The following EPHA3 variants were observed in gnomAD, a reference collection of about 807,000 sequenced individuals.
EPHA3 encodes ephrin type-A receptor 3.
A neutral mutation model predicts 107.1 loss-of-function variants in EPHA3; 42 were observed. The observed-to-expected ratio is 0.39, with a 90% CI of 0.31 to 0.51. The LOEUF (loss-of-function observed/expected upper bound fraction) is 0.51, where lower values mean the gene tolerates loss of function less well. Among genes scored for constraint, EPHA3 ranks in the 20% least tolerant of loss-of-function variants. The pLI is 0.78. For synonymous variants in EPHA3, 461 were observed against 424.8 expected, an observed-to-expected ratio of 1.09 and a Z score of -1.05; for missense variants, 1,183 against 1,211.2, an observed-to-expected ratio of 0.98 and a Z score of 0.35.
intron 2 of EPHA3, among the ~76,000 whole-genome samples, chr3:89,183,550 AATT>A (rs1705492046): frequency 6.6e-6 from 1 of 151,884 alleles, no homozygotes; most frequent in Non-Finnish European, 1.5e-5. Flanking sequence ...GGGTCTTAAT[AATT>A]ATTGCCTAAA....
At chr3:89,387,838 G>T (rs373083544) in intron 5 of EPHA3, among the ~76,000 whole-genome samples, 3 of 151,876 alleles carry the variant, frequency 2.0e-5, no homozygotes, top group African/African-American at 7.2e-5. Context: ...ATTTCTCCAC[G>T]CTGAGAAAAG....
intron 13 of EPHA3, among the ~76,000 whole-genome samples, chr3:89,434,378 T>G (rs2107540172): frequency 6.6e-6 from 1 of 152,150 alleles, no homozygotes; most frequent in East Asian, 1.9e-4. Flanking sequence ...CCACCACGCC[T>G]GGCTAATTTT....
chr3:89,383,518 C>T (rs746124790), intron 5 of EPHA3, among the ~76,000 whole-genome samples: 1 of 151,972 alleles, frequency 6.6e-6, no homozygotes, highest in Non-Finnish European at 1.5e-5. Context: ...CTGGAACTGC[C>T]CTGGCTGTTC....
intron 3 of EPHA3, among the ~76,000 whole-genome samples, chr3:89,306,182 G>A (rs886445154): frequency 2.0e-5 from 3 of 152,046 alleles, no homozygotes; most frequent in African/African-American, 7.2e-5. Context: ...TAATATTTCA[G>A]TCCATTACAC....
At chr3:89,395,687 T>G in intron 5 of EPHA3, 150 bp from the exon 6 acceptor site, 1 of 914,112 alleles carries the variant, frequency 1.1e-6, no homozygotes, top group South Asian at 1.7e-5. Context: ...TCAAGAGCCT[T>G]GGAAATGGAA....
intron 10 of EPHA3, among the ~76,000 whole-genome samples, chr3:89,414,795 A>T (rs967387060): frequency 2.6e-5 from 4 of 151,626 alleles, no homozygotes; most frequent in African/African-American, 9.7e-5. Context: ...ATTTGGGAAA[A>T]AGCACACCAC....
chr3:89,327,455 A>T (rs990687797), intron 3 of EPHA3, among the ~76,000 whole-genome samples: 1 of 152,168 alleles, frequency 6.6e-6, no homozygotes. Context: ...ACTATGTATC[A>T]TCAAATAAAC....
chr3:89,271,345 C>T (rs920664284), intron 3 of EPHA3, among the ~76,000 whole-genome samples: 2 of 151,892 alleles, frequency 1.3e-5, no homozygotes, highest in African/African-American at 2.4e-5. Flanking sequence ...TTATAATTCC[C>T]TTGCAGAGTA....
At chr3:89,401,106 G>A (rs1338343509) in intron 7 of EPHA3, among the ~76,000 whole-genome samples, 1 of 152,018 alleles carries the variant, frequency 6.6e-6, no homozygotes, top group Non-Finnish European at 1.5e-5. Context: ...AAACTTTCAG[G>A]ATTGACCTAA....
chr3:89,177,919 C>G (rs775411928), intron 2 of EPHA3, among the ~76,000 whole-genome samples: 1 of 152,102 alleles, frequency 6.6e-6, no homozygotes, highest in Non-Finnish European at 1.5e-5. Context: ...ATTTACTACA[C>G]TCAGAATTTT....
In EPHA3 at chr3:89,365,699, C is replaced by T. The variant is rs533672971; in HGVS notation, c.1306+23609C>T. 4.6e-5 allele frequency among the ~76,000 whole-genome samples: 7 copies of T among 150,692 alleles called. No homozygotes were observed. The East Asian group carries it at 1.4e-3, about 30-fold the overall frequency. On this transcript the variant is annotated intron_variant, in intron 5 of 16. Coordinates refer to ENST00000336596, the MANE Select transcript of EPHA3 (RefSeq NM_005233.6). The stretch of plus-strand genomic sequence containing the variant: ...CATTGACTTCCTTTTGGTTCCTGAA[C>T]CTACTTAGCATCAACAATACCAACA...
intron 3 of EPHA3, among the ~76,000 whole-genome samples, chr3:89,243,505 G>A (rs1323093031): frequency 2.0e-5 from 3 of 152,288 alleles, no homozygotes; most frequent in African/African-American, 7.2e-5. Context: ...CTGATGGCCA[G>A]TGATGATGAG....
At chr3:89,237,805 A>G (rs1340832849) in intron 3 of EPHA3, among the ~76,000 whole-genome samples, 3 of 152,036 alleles carry the variant, frequency 2.0e-5, no homozygotes, top group African/African-American at 7.2e-5. Flanking sequence ...TTCTCTACAA[A>G]AAATAAAACA....
At chr3:89,238,874 G>A (rs774129818) in intron 3 of EPHA3, among the ~76,000 whole-genome samples, 8 of 152,004 alleles carry the variant, frequency 5.3e-5, no homozygotes, top group Non-Finnish European at 1.2e-4. Context: ...TATTTTAGGG[G>A]GAAAGAAAGC....
intron 11 of EPHA3, among the ~76,000 whole-genome samples, chr3:89,428,193 A>T (rs1390259139): frequency 6.6e-6 from 1 of 151,882 alleles, no homozygotes; most frequent in Non-Finnish European, 1.5e-5. Flanking sequence ...TTTTTCCCTC[A>T]TTATCAGTTT....
chr3:89,269,478 G>T (rs1705613697), intron 3 of EPHA3, among the ~76,000 whole-genome samples: 1 of 151,834 alleles, frequency 6.6e-6, no homozygotes, highest in Non-Finnish European at 1.5e-5. Context: ...GTACTGCTTT[G>T]TTGCTCAGGC....
intron 3 of EPHA3, among the ~76,000 whole-genome samples, chr3:89,299,821 T>C (rs1706441859): frequency 6.6e-6 from 1 of 151,994 alleles, no homozygotes. Flanking sequence ...TAGGAAAATA[T>C]AGTTGATTTG....
intron 5 of EPHA3, among the ~76,000 whole-genome samples, chr3:89,371,873 A>ACC (rs1708312076): frequency 6.6e-6 from 1 of 151,606 alleles, no homozygotes. Context: ...AACAGTTTCT[A>ACC]AATGACTCAA....
intron 3 of EPHA3, among the ~76,000 whole-genome samples, chr3:89,290,596 A>G (rs1044001833): frequency 3.3e-5 from 5 of 152,124 alleles, no homozygotes; most frequent in African/African-American, 7.2e-5. Context: ...AAGTGTCATT[A>G]TGTGTTTGGT....
Sources: gnomAD v4.1 joint callset for allele counts (sites outside exome capture counted in the v4.1 genomes callset) on GRCh38, gnomAD v4.1.1 for gene constraint, MANE v1.5 for transcripts, NCBI Gene and HGNC (gene_info 2026-07-23, HGNC 2026-07-21) for gene names.